CTNND2: variants seen among roughly 807,000 people sequenced by gnomAD.
CTNND2 encodes catenin delta 2, also known as catenin delta-2.
CTNND2 carries 22 observed loss-of-function variants against 144.4 expected under a neutral mutation model. The ratio of observed to expected loss-of-function variants is 0.15; its 90% CI spans 0.11 to 0.22. CTNND2 has a LOEUF of 0.22. Among genes scored for constraint, CTNND2 ranks in the 10% least tolerant of loss-of-function variants. CTNND2 has a pLI of 1.00. For synonymous variants in CTNND2, 751 were observed against 695.6 expected, an observed-to-expected ratio of 1.08 and a Z score of -1.25; for missense variants, 1,353 against 1,618.8, an observed-to-expected ratio of 0.84 and a Z score of 2.82.
At chr5:11,230,423 A>G (rs1293771285) in intron 10 of CTNND2, among the ~76,000 whole-genome samples, 1 of 152,138 alleles carries the variant, frequency 6.6e-6, no homozygotes, top group African/African-American at 2.4e-5. Flanking sequence ...AAAGATGCTT[A>G]TAGTCCATAC....
intron 9 of CTNND2, among the ~76,000 whole-genome samples, chr5:11,240,523 AACACACACACC>A (rs1742228802): frequency 2.9e-5 from 3 of 102,284 alleles, no homozygotes; most frequent in Admixed American, 1.1e-4. Context: ...ACACACACCC[AACACACACACC>A]CAACACACAC....
intron 18 of CTNND2, among the ~76,000 whole-genome samples, chr5:11,009,415 G>A (rs1740823760): frequency 6.6e-6 from 1 of 152,212 alleles, no homozygotes; most frequent in South Asian, 2.1e-4. Context: ...GAGAAGAGAT[G>A]GAGCTGGGAA....
At chr5:11,437,827 T>C (rs1763901848) in intron 3 of CTNND2, among the ~76,000 whole-genome samples, 2 of 152,190 alleles carry the variant, frequency 1.3e-5, no homozygotes, top group African/African-American at 4.8e-5. Context: ...TGGAGGTTTC[T>C]GGGTACTAGG....
intron 17 of CTNND2, among the ~76,000 whole-genome samples, chr5:11,022,316 T>G (rs1208383214): frequency 6.6e-6 from 1 of 152,188 alleles, no homozygotes; most frequent in African/African-American, 2.4e-5. Flanking sequence ...GGGTACTAGA[T>G]GAGAACTGAG....
intron 3 of CTNND2, among the ~76,000 whole-genome samples, chr5:11,537,716 T>G (rs1054674405): frequency 6.6e-6 from 1 of 152,194 alleles, no homozygotes; most frequent in Non-Finnish European, 1.5e-5. Flanking sequence ...CCCAAGAGTA[T>G]GAAGAAAGCA....
At chr5:11,197,863 G>T (rs142292313) in intron 11 of CTNND2, among the ~76,000 whole-genome samples, 1 of 152,120 alleles carries the variant, frequency 6.6e-6, no homozygotes, top group Non-Finnish European at 1.5e-5. Flanking sequence ...CACAACAGAG[G>T]GGTTCTTCTA....
At chr5:11,696,347 T>C (rs56176599) in intron 2 of CTNND2, among the ~76,000 whole-genome samples, 20,436 of 152,226 alleles carry the variant, frequency 0.13, 4,503 homozygotes, top group African/African-American at 0.46. Context: ...TCTTAGCTCA[T>C]AGGCCATAGA....
intron 9 of CTNND2, among the ~76,000 whole-genome samples, chr5:11,313,791 C>T (rs767817350): frequency 7.2e-5 from 11 of 152,136 alleles, no homozygotes; most frequent in South Asian, 2.1e-4. Flanking sequence ...CTTATGGTTC[C>T]GCAGGCTGTA....
chr5:11,567,953 G>A (rs1484997769), intron 2 of CTNND2, among the ~76,000 whole-genome samples: 1 of 152,146 alleles, frequency 6.6e-6, no homozygotes, highest in African/African-American at 2.4e-5. Context: ...ATTAAGTTAT[G>A]TGAAAGCAAT....
intron 3 of CTNND2, among the ~76,000 whole-genome samples, chr5:11,435,860 G>T (rs1385459437): frequency 1.3e-5 from 2 of 152,150 alleles, no homozygotes; most frequent in African/African-American, 4.8e-5. Flanking sequence ...TTGCTTTGGA[G>T]CCCAGCTCTT....
chr5:10,996,011 G>C (rs915883595), intron 18 of CTNND2, among the ~76,000 whole-genome samples: 1 of 152,224 alleles, frequency 6.6e-6, no homozygotes, highest in African/African-American at 2.4e-5. Flanking sequence ...ACGGGGATGT[G>C]GAGTGGTCCT....
chr5:11,590,171 G>A (rs373995856), intron 2 of CTNND2, among the ~76,000 whole-genome samples: 8 of 151,114 alleles, frequency 5.3e-5, no homozygotes, highest in African/African-American at 1.7e-4. Context: ...TCGGCCTCCC[G>A]AGTAGCAGGA....
At chr5:11,820,828 T>C (rs1257204387) in intron 1 of CTNND2, among the ~76,000 whole-genome samples, 2 of 152,222 alleles carry the variant, frequency 1.3e-5, no homozygotes, top group African/African-American at 2.4e-5. Context: ...GTGTCTGCAC[T>C]TGAAGTAATG....
At chr5:11,422,012 C>T (rs1027372783) in intron 3 of CTNND2, among the ~76,000 whole-genome samples, 37 of 152,234 alleles carry the variant, frequency 2.4e-4, no homozygotes, top group African/African-American at 7.0e-4. Context: ...TGCAGGACTG[C>T]CCCCGCACTC....
At chr5:11,526,914 AAAT>A (rs1211540332) in intron 3 of CTNND2, among the ~76,000 whole-genome samples, 2 of 151,626 alleles carry the variant, frequency 1.3e-5, no homozygotes, top group Admixed American at 1.3e-4. Flanking sequence ...GTGAAAAAGA[AAAT>A]AAAATTCTGA....
At chr5:11,721,168 A>G (rs1467739457) in intron 2 of CTNND2, among the ~76,000 whole-genome samples, 1 of 152,240 alleles carries the variant, frequency 6.6e-6, no homozygotes, top group Non-Finnish European at 1.5e-5. Flanking sequence ...ATGCCACAAC[A>G]TGAATGAAAC....
At chr5:11,095,377 A>G (rs1751230528) in intron 15 of CTNND2, among the ~76,000 whole-genome samples, 1 of 152,226 alleles carries the variant, frequency 6.6e-6, no homozygotes, top group South Asian at 2.1e-4. Flanking sequence ...GTATATTGCC[A>G]GCTGAACCAA....
chr5:11,817,979 G>A (rs1368913893), intron 1 of CTNND2, among the ~76,000 whole-genome samples: 1 of 71,490 alleles, frequency 1.4e-5, no homozygotes, highest in Admixed American at 2.0e-4. Flanking sequence ...GTATTATGAG[G>A]TGTTTTTTTT....
At chr5:11,106,354 G>A (rs1398258854) in intron 14 of CTNND2, among the ~76,000 whole-genome samples, 1 of 152,228 alleles carries the variant, frequency 6.6e-6, no homozygotes, top group Non-Finnish European at 1.5e-5. Context: ...CCTCTACCAT[G>A]GAATTCACAG....
Sources: allele counts gnomAD v4.1 joint callset (sites outside exome capture counted in the v4.1 genomes callset), GRCh38; gene constraint gnomAD v4.1.1; transcripts MANE v1.5; gene names NCBI Gene and HGNC (gene_info 2026-07-23, HGNC 2026-07-21).